The following CPSF3 variants were observed in gnomAD, a reference collection of about 807,000 sequenced individuals.
The protein encoded by CPSF3 is cleavage and polyadenylation specificity factor subunit 3.
CPSF3 carries 57 observed loss-of-function variants against 84.1 expected under a neutral mutation model. The observed-to-expected ratio is 0.68, with a 90% CI of 0.55 to 0.85. The LOEUF (loss-of-function observed/expected upper bound fraction) is 0.85, where lower values mean the gene tolerates loss of function less well. Ranked by LOEUF, CPSF3 falls within the 40% of genes least tolerant of loss-of-function variation. The pLI is 0.00. For missense variants in CPSF3, 522 were observed against 838.8 expected, an observed-to-expected ratio of 0.62 and a Z score of 4.66; for synonymous variants, 275 against 278.1, an observed-to-expected ratio of 0.99 and a Z score of 0.11.
intron 4 of CPSF3, among the ~76,000 whole-genome samples, chr2:9,432,037 G>C (rs559438996): frequency 4.6e-5 from 7 of 152,118 alleles, no homozygotes; most frequent in African/African-American, 1.4e-4. Context: ...CTTAACCACT[G>C]TTCTCTCTTG....
chr2:9,468,911 C>G (rs1327398695), intron 16 of CPSF3, among the ~76,000 whole-genome samples: 1 of 152,050 alleles, frequency 6.6e-6, no homozygotes, highest in African/African-American at 2.4e-5. Flanking sequence ...GAGGTGTGAA[C>G]CCCCGTGCCC....
chr2:9,424,399 A>G, intron 1 of CPSF3: 3 of 368,964 alleles, frequency 8.1e-6, no homozygotes, highest in Non-Finnish European at 1.1e-5. Context: ...AGGGACAAAA[A>G]CTCAGCCCTC....
chr2:9,467,610 TTTAAC>T (rs1682020247), intron 15 of CPSF3, 92 bp from the exon 16 acceptor site: 4 of 845,678 alleles, frequency 4.7e-6, no homozygotes, highest in African/African-American at 1.7e-5. Context: ...AGTTATTCAC[TTTAAC>T]TTATCAGTAA....
At chr2:9,443,449 A>G (rs1681021163) in intron 9 of CPSF3, 66 bp from the exon 10 acceptor site, 1 of 1,509,094 alleles carries the variant, frequency 6.6e-7, no homozygotes, top group African/African-American at 1.4e-5. Context: ...CATGAAAAAA[A>G]TGAAAATGTA....
chr2:9,468,266 C>T (rs1682042432), intron 16 of CPSF3, among the ~76,000 whole-genome samples: 1 of 151,960 alleles, frequency 6.6e-6, no homozygotes. Flanking sequence ...GAGTCTTGCT[C>T]CATTGCCCAG....
At position 9,455,647 on chromosome 2, in the gene CPSF3, T is replaced by C; in HGVS notation, c.1505-12T>C. ...TAGTATTTCTTCAAGTCTCTTCTCATTTTCTCTTCAGATTATACTGACCTG... is the reference window on the plus strand; with the variant it reads ...TAGTATTTCTTCAAGTCTCTTCTCACTTTCTCTTCAGATTATACTGACCTG... On this transcript the variant is annotated splice_polypyrimidine_tract_variant and intron_variant, in intron 12 of 17. Coordinates refer to ENST00000238112, the MANE Select transcript of CPSF3 (RefSeq NM_016207.4). 1 of 1,597,640 alleles carries C rather than the reference T, an allele frequency of 6.3e-7. No homozygotes were observed.
intron 7 of CPSF3, 38 bp from the exon 8 acceptor site, chr2:9,440,452 CT>C: frequency 6.4e-7 from 1 of 1,562,082 alleles, no homozygotes; most frequent in East Asian, 2.3e-5. Flanking sequence ...TTTACCCCAT[CT>C]AACAAAGTGA....
At chr2:9,443,354 A>G (rs1681018523) in intron 9 of CPSF3, among the ~76,000 whole-genome samples, 161 bp from the exon 10 acceptor site, 2 of 152,210 alleles carry the variant, frequency 1.3e-5, no homozygotes, top group Non-Finnish European at 2.9e-5. Context: ...TTGATTGAGA[A>G]CATGAGTATT....
At chr2:9,424,780 T>C (rs1259992889) in intron 1 of CPSF3, 2 of 152,156 alleles carry the variant, frequency 1.3e-5, no homozygotes, top group Non-Finnish European at 2.9e-5. Flanking sequence ...CTCGCTCTTT[T>C]GGAGAGAATT....
intron 5 of CPSF3, among the ~76,000 whole-genome samples, chr2:9,433,274 C>T (rs191549574): frequency 5.3e-4 from 80 of 152,286 alleles, no homozygotes; most frequent in Non-Finnish European, 1.8e-4. Context: ...AATCTGGAGG[C>T]GCAGCTTGGC....
intron 15 of CPSF3, among the ~76,000 whole-genome samples, chr2:9,459,867 C>T (rs1044604010): frequency 4.0e-5 from 6 of 151,736 alleles, no homozygotes; most frequent in Non-Finnish European, 8.8e-5. Flanking sequence ...TCAGGCTGGT[C>T]TTGAACTCCT....
At chr2:9,442,079 A>G in intron 9 of CPSF3, 103 bp downstream of exon 9, 1 of 1,220,916 alleles carries the variant, frequency 8.2e-7, no homozygotes, top group South Asian at 1.4e-5. Flanking sequence ...AAATAATACA[A>G]GTTTTGATTT....
At chr2:9,464,359 C>CAT (rs1397073585) in intron 15 of CPSF3, among the ~76,000 whole-genome samples, 3 of 151,654 alleles carry the variant, frequency 2.0e-5, no homozygotes, top group South Asian at 2.1e-4. Flanking sequence ...TATATATATA[C>CAT]ATATATATAC....
At chr2:9,428,957 T>C in intron 2 of CPSF3, 129 bp downstream of exon 2, 1 of 604,676 alleles carries the variant, frequency 1.7e-6, no homozygotes, top group Non-Finnish European at 3.0e-6. Flanking sequence ...CTATGCTGTA[T>C]AGTGTTAATG....
In CPSF3 at chr2:9,460,346, G is replaced by A. The variant is rs182261564; in HGVS notation, c.1786+728G>A. Among the ~76,000 whole-genome samples the A allele has an allele frequency of 9.2e-3, 1,403 of 152,098 alleles. 25 individuals are homozygous for A. Among genetic ancestry groups the A allele is most frequent in the African/African-American group, 0.032 (1,319 of 41,486 alleles). On this transcript the variant is annotated intron_variant, in intron 15 of 17. Coordinates refer to ENST00000238112, the MANE Select transcript of CPSF3 (RefSeq NM_016207.4). The stretch of plus-strand genomic sequence containing the variant: ...CGGGAGGCTGAGGCAGGAGAATGGC[G>A]TGAACACAGGAGGCAGAGTTTGCAG...
chr2:9,444,158 A>ATATATATT (rs1216393477), intron 10 of CPSF3, among the ~76,000 whole-genome samples: 19 of 123,146 alleles, frequency 1.5e-4, no homozygotes, highest in South Asian at 7.3e-4. Flanking sequence ...ATATATATAT[A>ATATATATT]TTTTTTTTTT....
At chr2:9,434,177 T>C (rs1414409562) in intron 6 of CPSF3, among the ~76,000 whole-genome samples, 1 of 152,054 alleles carries the variant, frequency 6.6e-6, no homozygotes, top group Non-Finnish European at 1.5e-5. Flanking sequence ...GGCCAGGAGT[T>C]AGAGACCACC....
Position 9,432,691 on chromosome 2 carries a change from A to G in CPSF3, c.519+3A>G, listed in dbSNP as rs751832298. ...TGATTGAGATCGCAGGCGTGAAGGTACCCTCTGGCTGTGGCGCTTTTCTCC... is the reference window on the plus strand; with the variant it reads ...TGATTGAGATCGCAGGCGTGAAGGTGCCCTCTGGCTGTGGCGCTTTTCTCC... On this transcript the variant is annotated splice_donor_region_variant and intron_variant, in intron 5 of 17. Transcript: ENST00000238112. 1 of 1,503,742 alleles carries G rather than the reference A, an allele frequency of 6.7e-7. No individual in the cohort carries two copies. Among genetic ancestry groups the G allele is most frequent in the Non-Finnish European group, 9.0e-7 (1 of 1,106,306 alleles). 93.1% of individuals were successfully genotyped at this position (1,503,742 alleles called of 1,614,324 possible).
chr2:9,467,366 G>A (rs1389927934), intron 15 of CPSF3, among the ~76,000 whole-genome samples: 7 of 152,044 alleles, frequency 4.6e-5, no homozygotes, highest in East Asian at 1.9e-4. Context: ...TTAATTGCCC[G>A]TGGTCATAAA....
Sources: gnomAD v4.1 joint callset for allele counts (sites outside exome capture counted in the v4.1 genomes callset) on GRCh38, gnomAD v4.1.1 for gene constraint, MANE v1.5 for transcripts, NCBI Gene and HGNC (gene_info 2026-07-23, HGNC 2026-07-21) for gene names.